OTUD7A: variants seen among roughly 807,000 people sequenced by gnomAD.
OTUD7A encodes OTU domain-containing protein 7A.
In OTUD7A, 12 loss-of-function variants were observed where a neutral mutation model predicts 65.7. The observed-to-expected ratio is 0.18, with a 90% CI of 0.12 to 0.30. OTUD7A has a LOEUF of 0.30. Among genes scored for constraint, OTUD7A ranks in the 10% least tolerant of loss-of-function variants. The pLI is 1.00. For missense variants in OTUD7A, 1,148 were observed against 1,304.8 expected, an observed-to-expected ratio of 0.88 and a Z score of 1.85; for synonymous variants, 641 against 586.3, an observed-to-expected ratio of 1.09 and a Z score of -1.35.
intron 1 of OTUD7A, among the ~76,000 whole-genome samples, chr15:31,731,727 G>C (rs1314018143): frequency 6.6e-6 from 1 of 152,114 alleles, no homozygotes; most frequent in Non-Finnish European, 1.5e-5. Context: ...TCTCAATGTA[G>C]GTTCATCAGT....
chr15:31,586,840 C>T (rs1021029029), intron 3 of OTUD7A, among the ~76,000 whole-genome samples: 1 of 152,060 alleles, frequency 6.6e-6, no homozygotes, highest in African/African-American at 2.4e-5. Context: ...CCCCTCTCCA[C>T]TACTGCTCAG....
chr15:31,527,221 T>G lies in OTUD7A; in HGVS notation c.740A>C (p.Lys247Thr). Residue 247 changes from lysine (K) to threonine (T), a missense_variant, in exon 7 of 13, where the codon AAG becomes ACG. Lys to Thr is a moderately conservative substitution (Grantham distance 78). Transcript: ENST00000307050. ...CGTCTGCTGCCACCTCCACCTCCGC[T>G]TCAGGGCTTCCCTCTCAGCTCCCGT... ...MRTGAEREAL[K>T]RRWRWQQTQQ... is the part of the protein sequence containing the mutation. 3.7e-6 allele frequency: 6 copies of G among 1,614,176 alleles called. No individual in the cohort carries two copies. Among genetic ancestry groups the G allele is most frequent in the Non-Finnish European group, 5.1e-6 (6 of 1,180,036 alleles).
At chr15:31,552,568 C>A (rs1300237605) in intron 5 of OTUD7A, among the ~76,000 whole-genome samples, 2 of 152,208 alleles carry the variant, frequency 1.3e-5, no homozygotes, top group Non-Finnish European at 2.9e-5. Context: ...CACAACAGCC[C>A]CACAAGGTGG....
chr15:31,800,126 T>C (rs1256950565), intron 1 of OTUD7A, among the ~76,000 whole-genome samples: 2 of 152,122 alleles, frequency 1.3e-5, no homozygotes, highest in African/African-American at 4.8e-5. Flanking sequence ...GGCCAGATGA[T>C]TATTAATAAC....
At chr15:31,844,235 G>A (rs780437983) in intron 1 of OTUD7A, among the ~76,000 whole-genome samples, 20 of 152,206 alleles carry the variant, frequency 1.3e-4, no homozygotes, top group Non-Finnish European at 2.4e-4. Flanking sequence ...CGCTGGGTGC[G>A]GTGGCTCATG....
chr15:31,731,325 T>A (rs1595732731), intron 1 of OTUD7A, among the ~76,000 whole-genome samples: 2 of 152,298 alleles, frequency 1.3e-5, no homozygotes, highest in Middle Eastern at 3.4e-3. Flanking sequence ...AACCAAGATG[T>A]CCTTCAGTAG....
chr15:31,481,651 G>A lies in OTUD7A; in HGVS notation c.*1643C>T, dbSNP rs1390197858. The A allele has an allele frequency of 6.6e-6, 1 of 152,258 alleles. No individual in the cohort carries two copies. Among genetic ancestry groups the A allele is most frequent in the Non-Finnish European group, 1.5e-5 (1 of 68,028 alleles). The allele number at this position is 152,258 out of a possible 1,614,324, so 9.4% of individuals were successfully genotyped here. A position where few individuals can be genotyped will look rare whatever the true frequency, so the allele number is the denominator to read the frequency against. ...CAAATTACTGAAAACTCCACCTGCT[G>A]TGGAATAATTAAAAACAAAAAGGCA... On this transcript the variant is annotated 3_prime_UTR_variant, in exon 13 of 13. Coordinates refer to ENST00000307050, the MANE Select transcript of OTUD7A (RefSeq NM_001382637.1).
chr15:31,483,163 A>G lies in OTUD7A; in HGVS notation c.*131T>C. 2.2e-6 allele frequency: 2 copies of G among 893,310 alleles called. No individual in the cohort carries two copies. The highest frequency in any genetic ancestry group is 1.8e-5 in the African/African-American group (1 of 55,460). 55.3% of individuals were successfully genotyped at this position (893,310 alleles called of 1,614,324 possible). The stretch of plus-strand genomic sequence containing the variant: ...CAGGCACCATTAGGAACGTTTGACC[A>G]AACACGTACACGGCACTGACAGAGG... On this transcript the variant is annotated 3_prime_UTR_variant, in exon 13 of 13. Transcript: ENST00000307050.
chr15:31,736,296 C>T (rs529931635), intron 1 of OTUD7A, among the ~76,000 whole-genome samples: 2 of 152,176 alleles, frequency 1.3e-5, no homozygotes, highest in South Asian at 2.1e-4. Flanking sequence ...AGGGTAACTC[C>T]ACCCCCCCAA....
At chr15:31,571,168 G>A (rs1351467894) in intron 3 of OTUD7A, among the ~76,000 whole-genome samples, 2 of 151,868 alleles carry the variant, frequency 1.3e-5, no homozygotes, top group Non-Finnish European at 2.9e-5. Flanking sequence ...ATTGATGTAT[G>A]TATATATCAA....
At chr15:31,602,508 G>A (rs1156461705) in intron 3 of OTUD7A, among the ~76,000 whole-genome samples, 1 of 152,088 alleles carries the variant, frequency 6.6e-6, no homozygotes, top group Non-Finnish European at 1.5e-5. Flanking sequence ...ATACTGAATG[G>A]GCAAAAACTG....
At chr15:31,485,245 C>T (rs1041391906) in intron 12 of OTUD7A, among the ~76,000 whole-genome samples, 2 of 152,188 alleles carry the variant, frequency 1.3e-5, no homozygotes, top group African/African-American at 2.4e-5. Flanking sequence ...ACAAAAGTGC[C>T]TCCTCTGAAA....
intron 1 of OTUD7A, among the ~76,000 whole-genome samples, chr15:31,863,387 G>A (rs1028251816): frequency 2.6e-5 from 4 of 152,186 alleles, no homozygotes; most frequent in Non-Finnish European, 4.4e-5. Context: ...AGTTCTCCAT[G>A]AGGGCCCCAC....
chr15:31,756,128 C>T (rs138858677), intron 1 of OTUD7A, among the ~76,000 whole-genome samples: 16 of 152,330 alleles, frequency 1.1e-4, no homozygotes, highest in African/African-American at 2.6e-4. Flanking sequence ...AACACTTCAG[C>T]GCCTGTGGAC....
At chr15:31,680,036 A>G (rs918096725) in intron 1 of OTUD7A, among the ~76,000 whole-genome samples, 1 of 152,230 alleles carries the variant, frequency 6.6e-6, no homozygotes, top group Non-Finnish European at 1.5e-5. Flanking sequence ...AACCTTAGTC[A>G]TAATGATGAA....
At chr15:31,806,322 C>T (rs1270804514) in intron 1 of OTUD7A, among the ~76,000 whole-genome samples, 1 of 152,188 alleles carries the variant, frequency 6.6e-6, no homozygotes, top group African/African-American at 2.4e-5. Flanking sequence ...TTCAGAAGTA[C>T]ATTTGCACTA....
At chr15:31,744,549 G>C (rs916821164) in intron 1 of OTUD7A, among the ~76,000 whole-genome samples, 2 of 151,940 alleles carry the variant, frequency 1.3e-5, no homozygotes, top group African/African-American at 4.8e-5. Flanking sequence ...AAATAAGAAA[G>C]AATTCCTCCT....
intron 1 of OTUD7A, among the ~76,000 whole-genome samples, chr15:31,837,372 CA>C (rs57479397): frequency 0.23 from 26,808 of 116,256 alleles, 2,417 homozygotes; most frequent in South Asian, 0.39. Context: ...ACTAAAAATA[CA>C]AAAAAAAAAA....
At chr15:31,510,867 T>C (rs1345498161) in intron 8 of OTUD7A, among the ~76,000 whole-genome samples, 1 of 45,672 alleles carries the variant, frequency 2.2e-5, no homozygotes, top group Non-Finnish European at 3.8e-5. Context: ...CATATATGTA[T>C]ATCTATATGT....
Sources: allele counts gnomAD v4.1 joint callset (sites outside exome capture counted in the v4.1 genomes callset), GRCh38; gene constraint gnomAD v4.1.1; transcripts MANE v1.5; gene names NCBI Gene and HGNC (gene_info 2026-07-23, HGNC 2026-07-21).